TUBGCP5: variants seen among roughly 807,000 people sequenced by gnomAD.
TUBGCP5 encodes the protein tubulin gamma complex component 5, also known as gamma-tubulin complex component 5.
A neutral mutation model predicts 134.7 loss-of-function variants in TUBGCP5; 98 were observed. The observed-to-expected ratio is 0.73, with a 90% CI of 0.62 to 0.86. The LOEUF (loss-of-function observed/expected upper bound fraction) is 0.86, where lower values mean the gene tolerates loss of function less well. TUBGCP5 is among the 40% of genes least tolerant of loss of function. The pLI, the probability that TUBGCP5 is intolerant of heterozygous loss-of-function variation, is 0.00. For synonymous variants in TUBGCP5, 456 were observed against 431.4 expected, an observed-to-expected ratio of 1.06 and a Z score of -0.71; for missense variants, 1,150 against 1,244.8, an observed-to-expected ratio of 0.92 and a Z score of 1.15.
At position 23,030,928 on chromosome 15, in the gene TUBGCP5, T is replaced by C; in HGVS notation, c.579A>G (p.Glu193=). 3.1e-6 allele frequency: 5 copies of C among 1,613,686 alleles called. No homozygotes were observed. Among genetic ancestry groups the C allele is most frequent in the Non-Finnish European group, 4.2e-6 (5 of 1,179,904 alleles). Residue 193 remains glutamate, a synonymous_variant, in exon 6 of 23, where the codon GAA becomes GAG. Transcript: ENST00000615383. Reference sequence around the variant, plus strand: ...GATCCAGTTTTCTGTTTTGATCTTGTTCTTCTAACGGTGTCCTGTCTACCT... The same window carrying C: ...GATCCAGTTTTCTGTTTTGATCTTGCTCTTCTAACGGTGTCCTGTCTACCT... ...GIQVDRTPLE[E]QDQNRKLDPC...
chr15:23,029,837 T>C (rs899849827), intron 6 of TUBGCP5, among the ~76,000 whole-genome samples: 2 of 151,666 alleles, frequency 1.3e-5, no homozygotes, highest in Non-Finnish European at 2.9e-5. Context: ...GGTGAGATCA[T>C]GCTACTGTAC....
intron 15 of TUBGCP5, 125 bp from the exon 16 acceptor site, chr15:23,009,006 T>G: frequency 1.4e-6 from 1 of 692,030 alleles, no homozygotes; most frequent in Non-Finnish European, 2.3e-6. Context: ...TTACTAAAAT[T>G]AGAAATATTA....
At chr15:23,019,448 T>C in intron 11 of TUBGCP5, 114 bp from the exon 12 acceptor site, 2 of 710,914 alleles carry the variant, frequency 2.8e-6, no homozygotes, top group Admixed American at 5.0e-5. Flanking sequence ...TCTATGTTTT[T>C]TGGGGCACAA....
At chr15:23,030,213 A>G (rs12902420) in intron 6 of TUBGCP5, among the ~76,000 whole-genome samples, 13,501 of 152,052 alleles carry the variant, frequency 0.089, 1,151 homozygotes, top group East Asian at 0.49. Flanking sequence ...AAAGAAAAGG[A>G]GCCAAGTGAT....
chr15:23,026,051 T>A lies in TUBGCP5; in HGVS notation c.827+65A>T, dbSNP rs375707300. 169 of 1,364,476 alleles carry A rather than the reference T, an allele frequency of 1.2e-4. 1 individual carries two copies. In the East Asian group the frequency reaches 2.4e-3, roughly 19 times the overall value. The allele number at this position is 1,364,476 out of a possible 1,614,324, so 84.5% of individuals were successfully genotyped here. A position where few individuals can be genotyped will look rare whatever the true frequency, so the allele number is the denominator to read the frequency against. On this transcript the variant is annotated intron_variant, in intron 8 of 22. Transcript: ENST00000615383. ...AAAATGCTTGAAAAGTTTCCTTTAATAAAAGTTTTTGCTTCTCAGTAATCA... is the reference window on the plus strand; with the variant it reads ...AAAATGCTTGAAAAGTTTCCTTTAAAAAAAGTTTTTGCTTCTCAGTAATCA...
chr15:22,986,520 C>A (rs200558039), intron 23 of TUBGCP5, among the ~76,000 whole-genome samples: 1 of 151,586 alleles, frequency 6.6e-6, no homozygotes, highest in Admixed American at 6.6e-5. Flanking sequence ...GTGGATCACT[C>A]GAGGTCAGGA....
Position 23,022,180 on chromosome 15 carries a change from C to G in TUBGCP5, c.1169-19G>C. 2 of 1,611,236 alleles carry G rather than the reference C, an allele frequency of 1.2e-6. No individual in the cohort carries two copies. The highest frequency in any genetic ancestry group is 1.7e-5 in the Admixed American group (1 of 60,002). On this transcript the variant is annotated intron_variant, in intron 10 of 22. Coordinates refer to ENST00000615383, the MANE Select transcript of TUBGCP5 (RefSeq NM_052903.6). ...GTAGTATCTGCAAATATCAATAAAT[C>G]AAACTCAACAGCAAGGAAAAATACA...
intron 18 of TUBGCP5, 109 bp downstream of exon 18, chr15:23,005,943 C>CT (rs1346761848): frequency 0.075 from 56,498 of 753,960 alleles, 93 homozygotes; most frequent in African/African-American, 0.14. Flanking sequence ...CAACCACCAA[C>CT]TTTTTTTTTT....
downstream of TUBGCP5, among the ~76,000 whole-genome samples, chr15:22,998,311 C>T (rs2064189681): frequency 6.6e-6 from 1 of 152,078 alleles, no homozygotes; most frequent in South Asian, 2.1e-4. Flanking sequence ...TGAGCCTCCA[C>T]ATTTCAAAAA....
At chr15:23,028,470 G>A (rs1415040922) in intron 6 of TUBGCP5, among the ~76,000 whole-genome samples, 2 of 149,330 alleles carry the variant, frequency 1.3e-5, no homozygotes, top group Admixed American at 6.7e-5. Flanking sequence ...TTTAGGTGAA[G>A]AATTCAAGGA....
At chr15:22,991,284 C>T (rs898023186) in intron 23 of TUBGCP5, among the ~76,000 whole-genome samples, 12 of 151,932 alleles carry the variant, frequency 7.9e-5, no homozygotes, top group Non-Finnish European at 1.0e-4. Context: ...TTAGTAGAGA[C>T]GGGGTTTCAC....
chr15:22,984,243 G>C (rs1273503445), intron 23 of TUBGCP5, among the ~76,000 whole-genome samples: 1 of 152,222 alleles, frequency 6.6e-6, no homozygotes, highest in Non-Finnish European at 1.5e-5. Flanking sequence ...TACAGCAATG[G>C]AACAGAATAG....
At chr15:23,016,870 C>T (rs1200530958) in intron 13 of TUBGCP5, among the ~76,000 whole-genome samples, 1 of 151,238 alleles carries the variant, frequency 6.6e-6, no homozygotes, top group Non-Finnish European at 1.5e-5. Flanking sequence ...ATCAAAGAGA[C>T]ATCCGCACCC....
intron 15 of TUBGCP5, among the ~76,000 whole-genome samples, chr15:23,009,415 C>T (rs925689329): frequency 2.0e-5 from 3 of 151,930 alleles, no homozygotes; most frequent in African/African-American, 7.3e-5. Flanking sequence ...ACTACAGGCG[C>T]CCGGCACCAC....
chr15:23,003,028 G>A, intron 21 of TUBGCP5, 37 bp downstream of exon 21: 1 of 1,599,932 alleles, frequency 6.3e-7, no homozygotes, highest in Non-Finnish European at 8.6e-7. Context: ...AAGCTGAAAT[G>A]GTCACAGTGC....
At chr15:23,016,497 GAAA>G (rs34275068) in intron 13 of TUBGCP5, among the ~76,000 whole-genome samples, 3 of 102,830 alleles carry the variant, frequency 2.9e-5, no homozygotes, top group Non-Finnish European at 4.0e-5. Flanking sequence ...TCTGTCTCAG[GAAA>G]AAAAAAAAAA....
rs534005677 is a variant in TUBGCP5 at position 23,025,714 on chromosome 15, C to G, written c.827+402G>C. Among the ~76,000 whole-genome samples, 828 of 151,864 alleles carry G rather than the reference C, an allele frequency of 5.5e-3. 3 individuals are homozygous for G. The highest frequency in any genetic ancestry group is 8.2e-3 in the Non-Finnish European group (560 of 67,948). On this transcript the variant is annotated intron_variant, in intron 8 of 22. Transcript: ENST00000615383. The stretch of plus-strand genomic sequence containing the variant: ...GGCTTGGTGGTGGGTTCCTGTAGTC[C>G]CAGCTACTCGGGAGGCTGAGGCAGG...
chr15:23,030,844 T>C (rs2066267269), intron 6 of TUBGCP5, 41 bp downstream of exon 6: 1 of 1,597,302 alleles, frequency 6.3e-7, no homozygotes, highest in Admixed American at 1.8e-5. Context: ...TCTAGGGAAT[T>C]TGTCTATTAG....
In TUBGCP5 at chr15:23,039,475, G is replaced by GACGAGCTCCCGC; in HGVS notation, c.57_68dup (p.Glu21_Arg24dup). 1 of 1,533,994 alleles carries GACGAGCTCCCGC rather than the reference G, an allele frequency of 6.5e-7. No individual in the cohort carries two copies. The highest frequency in any genetic ancestry group is 8.8e-7 in the Non-Finnish European group (1 of 1,136,998). ...CGTCCTGGAGGCCGGCGACACCCCG[G>GACGAGCTCCCGC]ACGAGCTCCCGCACGTCGCGCTCCT... On this transcript the variant is annotated inframe_insertion, in exon 1 of 23. Coordinates refer to ENST00000615383, the MANE Select transcript of TUBGCP5 (RefSeq NM_052903.6).
Sources: allele counts gnomAD v4.1 joint callset (sites outside exome capture counted in the v4.1 genomes callset), GRCh38; gene constraint gnomAD v4.1.1; transcripts MANE v1.5; gene names NCBI Gene and HGNC (gene_info 2026-07-23, HGNC 2026-07-21).